The following TMEM260 variants were observed in gnomAD, a reference collection of about 807,000 sequenced individuals.
TMEM260 encodes the protein protein O-mannosyl-transferase TMEM260.
In TMEM260, 82 loss-of-function variants were observed where a neutral mutation model predicts 88.9. The observed-to-expected ratio is 0.92, with a 90% CI of 0.77 to 1.11. TMEM260 has a LOEUF of 1.11. TMEM260 is among the 50% of genes least tolerant of loss of function. The pLI is 0.00. For synonymous variants in TMEM260, 314 were observed against 309.3 expected (o/e 1.02, Z -0.16); for missense variants, 902 against 853.4 (o/e 1.06, Z -0.71).
chr14:56,613,998 T>G (rs918692987), intron 7 of TMEM260: 1 of 151,262 alleles, frequency 6.6e-6, no homozygotes, highest in African/African-American at 2.4e-5. Flanking sequence ...CGCCTCCGCC[T>G]CCCGGGTTCA....
At chr14:56,626,349 A>C (rs1287481374) in intron 12 of TMEM260, among the ~76,000 whole-genome samples, 2 of 152,192 alleles carry the variant, frequency 1.3e-5, no homozygotes, top group Non-Finnish European at 2.9e-5. Context: ...TCTAGATAAA[A>C]TATTAGGAAC....
downstream of TMEM260, among the ~76,000 whole-genome samples, chr14:56,653,741 C>CAA (rs370392374): frequency 2.0e-5 from 2 of 97,906 alleles, no homozygotes; most frequent in African/African-American, 8.0e-5. Context: ...GTCTCCAAAA[C>CAA]AAAAAAAAAA....
chr14:56,584,810 G>A (rs1885382401), intron 1 of TMEM260, among the ~76,000 whole-genome samples, 191 bp from the exon 2 acceptor site: 1 of 152,078 alleles, frequency 6.6e-6, no homozygotes, highest in African/African-American at 2.4e-5. Context: ...GACTATCAAA[G>A]ATAGTTTGTT....
intron 15 of TMEM260, among the ~76,000 whole-genome samples, chr14:56,646,052 C>T (rs957621985): frequency 6.6e-6 from 1 of 152,178 alleles, no homozygotes; most frequent in Non-Finnish European, 1.5e-5. Context: ...GCCTCGGCCT[C>T]CCAAAGTGCT....
At chr14:56,615,783 A>G (rs983274382) in intron 7 of TMEM260, 161 bp from the exon 8 acceptor site, 35 of 582,672 alleles carry the variant, frequency 6.0e-5, no homozygotes, top group Middle Eastern at 9.2e-4. Flanking sequence ...AAGTCTTTCT[A>G]TTGCACTTTT....
At chr14:56,663,060 C>T in the TMEM260 span, among the ~76,000 whole-genome samples, 10 of 152,126 alleles carry the variant, frequency 6.6e-5, no homozygotes, top group East Asian at 7.8e-4. The surrounding 1 kb of genome is among the most constrained non-coding windows in gnomAD (Gnocchi z 4.1). Flanking sequence ...ACCCAGGAGG[C>T]GGAGGTTGGG....
At chr14:56,642,908 T>C (rs1889702807) in intron 15 of TMEM260, among the ~76,000 whole-genome samples, 1 of 152,098 alleles carries the variant, frequency 6.6e-6, no homozygotes, top group African/African-American at 2.4e-5. Flanking sequence ...TAGAAACTAA[T>C]CTAGAAGAAA....
intron 10 of TMEM260, 33 bp from the exon 11 acceptor site, chr14:56,621,498 G>C (rs768533258): frequency 6.5e-7 from 1 of 1,541,604 alleles, no homozygotes; most frequent in South Asian, 1.2e-5. Flanking sequence ...GCAAAGTGTT[G>C]CTATTTTAAT....
At chr14:56,602,025 G>A (rs930515757) in intron 3 of TMEM260, among the ~76,000 whole-genome samples, 1 of 152,136 alleles carries the variant, frequency 6.6e-6, no homozygotes, top group Non-Finnish European at 1.5e-5. Context: ...ATTGATATAT[G>A]AAACATAGAA....
At chr14:56,662,385 T>C in the TMEM260 span, among the ~76,000 whole-genome samples, 1 of 152,188 alleles carries the variant, frequency 6.6e-6, no homozygotes, top group Non-Finnish European at 1.5e-5. Context: ...AAAACTTCTC[T>C]GCAGAGCCCG....
intron 1 of TMEM260, among the ~76,000 whole-genome samples, chr14:56,584,523 G>T (rs1407502128): frequency 5.9e-5 from 9 of 152,146 alleles, no homozygotes; most frequent in Admixed American, 5.9e-4. Flanking sequence ...AAGATATCCA[G>T]TGCAATTAAT....
chr14:56,633,513 T>C (rs145839180), intron 13 of TMEM260: 1 of 163,570 alleles, frequency 6.1e-6, no homozygotes, highest in African/African-American at 2.4e-5. Flanking sequence ...TTAACTGCAG[T>C]TGAACTTTAA....
intron 15 of TMEM260, among the ~76,000 whole-genome samples, chr14:56,643,790 C>CTGAT (rs1163627189): frequency 1.3e-5 from 2 of 152,194 alleles, no homozygotes; most frequent in African/African-American, 4.8e-5. Flanking sequence ...TCTCCTTAAG[C>CTGAT]TGATAAGCAA....
chr14:56,579,802 C>T lies in TMEM260; in HGVS notation c.-113C>T, dbSNP rs529981427. 9.2e-6 allele frequency: 10 copies of T among 1,090,318 alleles called. No individual in the cohort carries two copies. In the East Asian group the frequency reaches 2.3e-4, roughly 25 times the overall value. 67.5% of individuals were successfully genotyped at this position (1,090,318 alleles called of 1,614,324 possible). Reference sequence around the variant, plus strand: ...CGGTCCAACCCGCGGAGGCTCGACCCGGAAGCCGCCGTGGCCGCCGCACAA... The same window carrying T: ...CGGTCCAACCCGCGGAGGCTCGACCTGGAAGCCGCCGTGGCCGCCGCACAA... On this transcript the variant is annotated 5_prime_UTR_variant, in exon 1 of 16. Transcript: ENST00000261556.
Position 56,605,306 on chromosome 14 carries a change from T to G in TMEM260, c.523-264T>G, listed in dbSNP as rs534848046. 3.3e-5 allele frequency among the ~76,000 whole-genome samples: 5 copies of G among 152,334 alleles called. 1 individual carries two copies. In the South Asian group the frequency reaches 8.3e-4, roughly 25 times the overall value. On this transcript the variant is annotated intron_variant, in intron 4 of 15. Transcript: ENST00000261556. Reference sequence around the variant, plus strand: ...CCCTATTACTATTACAACTTATCTATTTATCATACAGGATTTTCTAAAAGT... The same window carrying G: ...CCCTATTACTATTACAACTTATCTAGTTATCATACAGGATTTTCTAAAAGT...
chr14:56,635,013 T>C (rs1888930845), intron 14 of TMEM260, 61 bp downstream of exon 14: 1 of 1,469,726 alleles, frequency 6.8e-7, no homozygotes, highest in Non-Finnish European at 9.5e-7. Flanking sequence ...AAGTAGCTTA[T>C]GGCACTTTTA....
intron 14 of TMEM260, among the ~76,000 whole-genome samples, chr14:56,635,348 G>A (rs1888962640): frequency 6.6e-6 from 1 of 152,190 alleles, no homozygotes; most frequent in African/African-American, 2.4e-5. Context: ...CTGTCAATTA[G>A]TTAAGCACTT....
the TMEM260 span, among the ~76,000 whole-genome samples, chr14:56,658,121 A>G: frequency 6.6e-6 from 1 of 152,210 alleles, no homozygotes; most frequent in Non-Finnish European, 1.5e-5. Context: ...GATCTCATTC[A>G]GGCTCTTATC....
In TMEM260 at chr14:56,602,856, A is replaced by G. The variant is rs139478169; in HGVS notation, c.345-959A>G. Among the ~76,000 whole-genome samples, 1,322 of 152,288 alleles carry G rather than the reference A, an allele frequency of 8.7e-3. 9 individuals carry two copies. Among genetic ancestry groups the G allele is most frequent in the South Asian group, 0.016 (77 of 4,826 alleles). ...ACTAAAGCCATAGAACTACCCTGTA[A>G]CTTTTTATACAAAAGGATACAGTTG... On this transcript the variant is annotated intron_variant, in intron 3 of 15. Coordinates refer to ENST00000261556, the MANE Select transcript of TMEM260 (RefSeq NM_017799.4).
Sources: allele counts gnomAD v4.1 joint callset (sites outside exome capture counted in the v4.1 genomes callset), GRCh38; gene constraint gnomAD v4.1.1; non-coding constraint Gnocchi (gnomAD v3.1); transcripts MANE v1.5; gene names NCBI Gene and HGNC (gene_info 2026-07-23, HGNC 2026-07-21).